KCNK9: variants seen among roughly 807,000 people sequenced by gnomAD.
The protein encoded by KCNK9 is potassium channel subfamily K member 9.
A neutral mutation model predicts 10.8 loss-of-function variants in KCNK9; 1 was observed. The observed-to-expected ratio is 0.09, with a 90% CI of 0.03 to 0.44. KCNK9 has a LOEUF of 0.44. Ranked by LOEUF, KCNK9 falls within the 20% of genes least tolerant of loss-of-function variation. The probability of loss-of-function intolerance (pLI) is 0.97; values close to 1 mark genes in which losing one functional copy is unlikely to be tolerated. For missense variants in KCNK9, 303 were observed against 515.0 expected, an observed-to-expected ratio of 0.59 and a Z score of 3.98; for synonymous variants, 231 against 222.7, an observed-to-expected ratio of 1.04 and a Z score of -0.33.
At chr8:139,605,989 G>A (rs1817478915) in intron 2 of KCNK9, among the ~76,000 whole-genome samples, 2 of 152,188 alleles carry the variant, frequency 1.3e-5, no homozygotes, top group Non-Finnish European at 2.9e-5. Flanking sequence ...GGCCAGAGAA[G>A]ATGAACAAAA....
chr8:139,659,132 C>T (rs1816089762), intron 1 of KCNK9, among the ~76,000 whole-genome samples: 1 of 152,216 alleles, frequency 6.6e-6, no homozygotes, highest in Non-Finnish European at 1.5e-5. Flanking sequence ...CAAATGAATT[C>T]ATAGGCAAGA....
chr8:139,678,350 G>C (rs1055549375), intron 1 of KCNK9, among the ~76,000 whole-genome samples: 7 of 152,178 alleles, frequency 4.6e-5, no homozygotes, highest in African/African-American at 9.7e-5. Context: ...TTCTGGGTGA[G>C]AGCCCTGAGG....
chr8:139,682,049 G>A lies in KCNK9; in HGVS notation c.283+20661C>T, dbSNP rs1027080535. On this transcript the variant is annotated intron_variant, in intron 1 of 1. Transcript: ENST00000520439. ...GAACGGCAAGTTCAGCAGGCACCTC[G>A]GGCTGAGTGGGGAGCACGAGGGGTG... Among the ~76,000 whole-genome samples, 52 of 152,300 alleles carry A rather than the reference G, an allele frequency of 3.4e-4. 1 individual carries two copies. The highest frequency in any genetic ancestry group is 3.4e-3 in the Middle Eastern group (1 of 294).
In KCNK9 at chr8:139,702,189, A is replaced by G. The variant is rs1817237432; in HGVS notation, c.283+521T>C. ...GAAGAGAGATGAAATCTGAGCTCAG[A>G]GAAGCCTGGAGCGGGGCCCAGGGGC... On this transcript the variant is annotated intron_variant, in intron 1 of 1. Transcript: ENST00000520439. The surrounding 1 kb of genome is among the most constrained non-coding windows in gnomAD (Gnocchi z 7.5). Among the ~76,000 whole-genome samples the G allele has an allele frequency of 6.6e-6, 1 of 152,192 alleles. No homozygotes were observed. Among genetic ancestry groups the G allele is most frequent in the Non-Finnish European group, 1.5e-5 (1 of 68,018 alleles).
intron 1 of KCNK9, among the ~76,000 whole-genome samples, chr8:139,638,356 A>G (rs1013945971): frequency 6.6e-6 from 1 of 152,218 alleles, no homozygotes; most frequent in African/African-American, 2.4e-5. Flanking sequence ...CCCAATGACC[A>G]GCAAAGGATC....
chr8:139,674,416 G>C (rs1385571083), intron 1 of KCNK9, among the ~76,000 whole-genome samples: 1 of 152,180 alleles, frequency 6.6e-6, no homozygotes, highest in African/African-American at 2.4e-5. Flanking sequence ...CCGCTCCGAG[G>C]GCAGCCTGAG....
chr8:139,648,569 G>A (rs1395644695), intron 1 of KCNK9, among the ~76,000 whole-genome samples: 2 of 152,338 alleles, frequency 1.3e-5, no homozygotes, highest in Non-Finnish European at 2.9e-5. Flanking sequence ...TACAAATTCA[G>A]GAACTCGCCG....
chr8:139,631,788 A>G (rs865852610), intron 1 of KCNK9, among the ~76,000 whole-genome samples: 1 of 152,230 alleles, frequency 6.6e-6, no homozygotes, highest in Non-Finnish European at 1.5e-5. Flanking sequence ...AAATCAAGCT[A>G]GGTCCTAATA....
rs1554626942 is a variant in KCNK9 at position 139,687,357 on chromosome 8, T to TAC, written c.283+15351_283+15352dup. On this transcript the variant is annotated intron_variant, in intron 1 of 1. Transcript: ENST00000520439. ...ATTTTCATACATATATATATATGTA[T>TAC]ACATATATATGTGTATACATATATA... 2.0e-3 allele frequency among the ~76,000 whole-genome samples: 299 copies of TAC among 146,892 alleles called. 6 individuals carry two copies. The highest frequency in any genetic ancestry group is 7.3e-3 in the African/African-American group (292 of 40,220).
intron 1 of KCNK9, among the ~76,000 whole-genome samples, chr8:139,637,865 C>T (rs1815387267): frequency 6.6e-6 from 1 of 151,726 alleles, no homozygotes; most frequent in South Asian, 2.1e-4. Flanking sequence ...AGACCTCACC[C>T]CTGGGCACTC....
At chr8:139,688,770 T>C (rs527601664) in intron 1 of KCNK9, among the ~76,000 whole-genome samples, 5 of 152,328 alleles carry the variant, frequency 3.3e-5, no homozygotes, top group African/African-American at 1.2e-4. Context: ...TAAGATAAAC[T>C]CAGATTCATA....
At position 139,702,585 on chromosome 8, in the gene KCNK9, G is replaced by A; in HGVS notation, c.283+125C>T. ...CCCTAGAGAGGAGGGGGCGCTGCGG[G>A]AAGGCCCCCAAGGGAGGCTGCGTTT... On this transcript the variant is annotated intron_variant, in intron 1 of 1. Transcript: ENST00000520439. This position sits in a 1 kb window ranked among gnomAD's most constrained non-coding sequence, Gnocchi z 7.5. The A allele has an allele frequency of 2.0e-6, 2 of 979,632 alleles. No individual in the cohort carries two copies. Among genetic ancestry groups the A allele is most frequent in the Non-Finnish European group, 1.5e-6 (1 of 684,328 alleles). 60.7% of individuals were successfully genotyped at this position (979,632 alleles called of 1,614,324 possible).
intron 1 of KCNK9, among the ~76,000 whole-genome samples, chr8:139,696,538 C>T (rs549818632): frequency 6.6e-6 from 1 of 152,236 alleles, no homozygotes; most frequent in South Asian, 2.1e-4. Context: ...CGTGTGCCTC[C>T]CACCAGCACA....
intron 1 of KCNK9, among the ~76,000 whole-genome samples, chr8:139,689,201 AAAG>A (rs1816883130): frequency 6.6e-6 from 1 of 152,188 alleles, no homozygotes. Flanking sequence ...TGTGAGAAAA[AAAG>A]TATTTTCTGC....
At chr8:139,670,730 C>G (rs1816407706) in intron 1 of KCNK9, among the ~76,000 whole-genome samples, 1 of 152,194 alleles carries the variant, frequency 6.6e-6, no homozygotes, top group African/African-American at 2.4e-5. Flanking sequence ...GGCAGGAGAT[C>G]AGATCTTTTT....
chr8:139,617,373 T>C lies in KCNK9; in HGVS notation c.*885A>G, dbSNP rs1223129408. Among the ~76,000 whole-genome samples, 3 of 152,170 alleles carry C rather than the reference T, an allele frequency of 2.0e-5. No homozygotes were observed. The highest frequency in any genetic ancestry group is 4.4e-5 in the Non-Finnish European group (3 of 68,030). ...ATTGTTGGAACTGGAGGTGACAAAATTAAAAATGTCTTTTATAAGTTAATG... is the reference window on the plus strand; with the variant it reads ...ATTGTTGGAACTGGAGGTGACAAAACTAAAAATGTCTTTTATAAGTTAATG... On this transcript the variant is annotated 3_prime_UTR_variant, in exon 2 of 2. Coordinates refer to ENST00000520439, the MANE Select transcript of KCNK9 (RefSeq NM_001282534.2).
At chr8:139,647,137 G>A (rs927299231) in intron 1 of KCNK9, among the ~76,000 whole-genome samples, 4 of 152,252 alleles carry the variant, frequency 2.6e-5, no homozygotes, top group South Asian at 2.1e-4. Context: ...GCTGGGCTCC[G>A]TGAGCATGGG....
chr8:139,702,750 G>A lies in KCNK9; in HGVS notation c.243C>T (p.Ala81=). 6.2e-7 allele frequency: 1 copy of A among 1,612,832 alleles called. No homozygotes were observed. The highest frequency in any genetic ancestry group is 8.5e-7 in the Non-Finnish European group (1 of 1,179,660). The change falls in exon 1 of 2, where the codon GCC becomes GCT. Residue 81 remains alanine (A), a synonymous_variant. Coordinates refer to ENST00000520439, the MANE Select transcript of KCNK9 (RefSeq NM_001282534.2). The surrounding 1 kb of genome is among the most constrained non-coding windows in gnomAD (Gnocchi z 7.5). ...PHRAGVQWKF[A]GSFYFAITVI... is the part of the protein sequence containing the mutation. Reference sequence around the variant, plus strand: ...CCGTGATCGCAAAGTAGAAGGAGCCGGCGAATTTCCACTGGACGCCGGCGC... The same window carrying A: ...CCGTGATCGCAAAGTAGAAGGAGCCAGCGAATTTCCACTGGACGCCGGCGC...
chr8:139,605,073 C>T (rs1411079485), intron 2 of KCNK9, among the ~76,000 whole-genome samples: 6 of 152,220 alleles, frequency 3.9e-5, no homozygotes, highest in African/African-American at 1.2e-4. Context: ...ACTTGGGCAG[C>T]TCCTATGGAG....
Sources: allele counts gnomAD v4.1 joint callset (sites outside exome capture counted in the v4.1 genomes callset), GRCh38; gene constraint gnomAD v4.1.1; non-coding constraint Gnocchi (gnomAD v3.1); transcripts MANE v1.5; gene names NCBI Gene and HGNC (gene_info 2026-07-23, HGNC 2026-07-21).